The following OR6C4 variants were observed in gnomAD, a reference collection of about 807,000 sequenced individuals.
OR6C4 encodes olfactory receptor family 6 subfamily C member 4.
A neutral mutation model predicts 15.1 loss-of-function variants in OR6C4; 20 were observed. That is an observed-to-expected ratio of 1.32 (90% CI 0.93 to 1.92). The LOEUF is 1.92. Among genes scored for constraint, OR6C4 ranks in the 30% most tolerant of loss-of-function variants. The pLI is 0.00. For synonymous variants in OR6C4, 179 were observed against 134.2 expected, an observed-to-expected ratio of 1.33 and a Z score of -2.31; for missense variants, 491 against 363.2, an observed-to-expected ratio of 1.35 and a Z score of -2.86.
In OR6C4 at chr12:55,555,061, AC is replaced by A. The variant is rs1873980668; in HGVS notation, c.*2906del. ...AAAAGTAATGGCAAAAACTGCAATT[AC>A]TTTTGCACCAACCAAATAAAAATAC... On this transcript the variant is annotated 3_prime_UTR_variant, in exon 2 of 2. Coordinates refer to ENST00000641569, the MANE Select transcript of OR6C4 (RefSeq NM_001005494.2). The A allele has an allele frequency of 6.6e-6, 1 of 152,186 alleles. No individual in the cohort carries two copies. Among genetic ancestry groups the A allele is most frequent in the Non-Finnish European group, 1.5e-5 (1 of 68,046 alleles). 9.4% of individuals were successfully genotyped at this position (152,186 alleles called of 1,614,324 possible).
chr12:55,551,075 C>A (rs1044150079), intron 1 of OR6C4, 134 bp from the exon 2 acceptor site: 1 of 608,170 alleles, frequency 1.6e-6, no homozygotes, highest in Non-Finnish European at 2.8e-6. Context: ...GCCAAGTGCA[C>A]CCCAATGGGA....
chr12:55,550,534 C>T (rs549482476), intron 1 of OR6C4, among the ~76,000 whole-genome samples: 4 of 152,256 alleles, frequency 2.6e-5, no homozygotes, highest in African/African-American at 9.6e-5. Context: ...TTCTCCGAGA[C>T]ATATCTCAAA....
rs999558882 is a variant in OR6C4 at position 55,553,241 on chromosome 12, T to C, written c.*1085T>C. On this transcript the variant is annotated 3_prime_UTR_variant, in exon 2 of 2. Coordinates refer to ENST00000641569, the MANE Select transcript of OR6C4 (RefSeq NM_001005494.2). ...AACTTTACACATGGATTCAAGGCAA[T>C]GACAACTTGAATTTGAATAGGTAGT... 1 of 152,110 alleles carries C rather than the reference T, an allele frequency of 6.6e-6. No homozygotes were observed. The highest frequency in any genetic ancestry group is 2.4e-5 in the African/African-American group (1 of 41,472). The allele number at this position is 152,110 out of a possible 1,614,324, so 9.4% of individuals were successfully genotyped here.
chr12:55,552,043 G>A lies in OR6C4; in HGVS notation c.817G>A (p.Ala273Thr). ...KEGGAFNKGI[A>T]VLITSVTPLL... Reference sequence around the variant, plus strand: ...AGGAGGTGCTTTCAACAAAGGAATAGCTGTACTCATTACTTCGGTTACTCC... The same window carrying A: ...AGGAGGTGCTTTCAACAAAGGAATAACTGTACTCATTACTTCGGTTACTCC... Residue 273 changes from alanine (A) to threonine (T), a missense_variant, in exon 2 of 2, where the codon GCT (alanine) becomes ACT (threonine). Physicochemically the swap from Ala to Thr is moderately conservative, Grantham distance 58. Coordinates refer to ENST00000641569, the MANE Select transcript of OR6C4 (RefSeq NM_001005494.2). 6.2e-7 allele frequency: 1 copy of A among 1,613,296 alleles called. No homozygotes were observed. The highest frequency in any genetic ancestry group is 8.5e-7 in the Non-Finnish European group (1 of 1,179,512).
Position 55,555,428 on chromosome 12 carries a change from T to A in OR6C4, c.*3272T>A, listed in dbSNP as rs1330372703. The A allele has an allele frequency of 6.6e-6, 1 of 152,192 alleles. No individual in the cohort carries two copies. Among genetic ancestry groups the A allele is most frequent in the Admixed American group, 6.6e-5 (1 of 15,258 alleles). The allele number at this position is 152,192 out of a possible 1,614,324, so 9.4% of individuals were successfully genotyped here. ...TTTTGGTTTTCCACTCCCGTATTAC[T>A]TCACTTAGAATAACGACTTCCAGCT... On this transcript the variant is annotated 3_prime_UTR_variant, in exon 2 of 2. Transcript: ENST00000641569.
rs1873911534 is a variant in OR6C4 at position 55,552,769 on chromosome 12, C to T, written c.*613C>T. 1 of 152,020 alleles carries T rather than the reference C, an allele frequency of 6.6e-6. No individual in the cohort carries two copies. The highest frequency in any genetic ancestry group is 2.4e-5 in the African/African-American group (1 of 41,420). The allele number at this position is 152,020 out of a possible 1,614,324, so 9.4% of individuals were successfully genotyped here. A position where few individuals can be genotyped will look rare whatever the true frequency, so the allele number is the denominator to read the frequency against. ...GAATATATATTTAGTCTACTTTTCTCCAAATGAGGAGAAAATTTTTAAGAT... is the reference window on the plus strand; with the variant it reads ...GAATATATATTTAGTCTACTTTTCTTCAAATGAGGAGAAAATTTTTAAGAT... On this transcript the variant is annotated 3_prime_UTR_variant, in exon 2 of 2. Coordinates refer to ENST00000641569, the MANE Select transcript of OR6C4 (RefSeq NM_001005494.2).
chr12:55,554,886 T>C lies in OR6C4; in HGVS notation c.*2730T>C, dbSNP rs539641773. The C allele has an allele frequency of 2.6e-5, 4 of 152,218 alleles. No homozygotes were observed. The highest frequency in any genetic ancestry group is 9.6e-5 in the African/African-American group (4 of 41,532). 9.4% of individuals were successfully genotyped at this position (152,218 alleles called of 1,614,324 possible). On this transcript the variant is annotated 3_prime_UTR_variant, in exon 2 of 2. Transcript: ENST00000641569. The stretch of plus-strand genomic sequence containing the variant: ...TTAATTTTTTTTATTTCAGCCAGGA[T>C]CAGTGACTCACACTTCTAATCCCAG...
Position 55,553,589 on chromosome 12 carries a change from G to C in OR6C4, c.*1433G>C, listed in dbSNP as rs1255119832. 1 of 152,132 alleles carries C rather than the reference G, an allele frequency of 6.6e-6. No homozygotes were observed. The highest frequency in any genetic ancestry group is 6.6e-5 in the Admixed American group (1 of 15,256). The allele number at this position is 152,132 out of a possible 1,614,324, so 9.4% of individuals were successfully genotyped here. Reference sequence around the variant, plus strand: ...CTATTCTGAGTATCTTGTTTTCTTTGGTTGCTAGCTAGAGATTAGTGATAA... The same window carrying C: ...CTATTCTGAGTATCTTGTTTTCTTTCGTTGCTAGCTAGAGATTAGTGATAA... On this transcript the variant is annotated 3_prime_UTR_variant, in exon 2 of 2. Coordinates refer to ENST00000641569, the MANE Select transcript of OR6C4 (RefSeq NM_001005494.2).
At position 55,553,484 on chromosome 12, in the gene OR6C4, T is replaced by G. The variant is rs1873932799; in HGVS notation, c.*1328T>G. 1 of 152,198 alleles carries G rather than the reference T, an allele frequency of 6.6e-6. No individual in the cohort carries two copies. Among genetic ancestry groups the G allele is most frequent in the African/African-American group, 2.4e-5 (1 of 41,460 alleles). The allele number at this position is 152,198 out of a possible 1,614,324, so 9.4% of individuals were successfully genotyped here. A position where few individuals can be genotyped will look rare whatever the true frequency, so the allele number is the denominator to read the frequency against. On this transcript the variant is annotated 3_prime_UTR_variant, in exon 2 of 2. Coordinates refer to ENST00000641569, the MANE Select transcript of OR6C4 (RefSeq NM_001005494.2). The stretch of plus-strand genomic sequence containing the variant: ...GGAACAAGCTGGATTGAACTGATTA[T>G]GAGAGCAAATTATCAGAGCCACAGA...
intron 1 of OR6C4, among the ~76,000 whole-genome samples, chr12:55,550,889 G>A (rs1017823916): frequency 2.0e-5 from 3 of 152,142 alleles, no homozygotes; most frequent in East Asian, 1.9e-4. Context: ...TCAAGAGTAA[G>A]TGCTTTACTT....
Position 55,551,509 on chromosome 12 carries a change from T to G in OR6C4, c.283T>G (p.Cys95Gly). The change falls in exon 2 of 2, where the codon TGC becomes GGC. Residue 95 changes from cysteine (C) to glycine (G), a missense_variant. Coordinates refer to ENST00000641569, the MANE Select transcript of OR6C4 (RefSeq NM_001005494.2). ...AAATAAAGTTATCAGCTTTGCTGGC[T>G]GCTTGACTCAGTATTTTTTTGCTAT... is the stretch of plus-strand genomic sequence containing the variant. ...TGNKVISFAG[C>G]LTQYFFAIFL... 1 of 1,614,002 alleles carries G rather than the reference T, an allele frequency of 6.2e-7. No homozygotes were observed. Among genetic ancestry groups the G allele is most frequent in the Non-Finnish European group, 8.5e-7 (1 of 1,179,948 alleles).
rs1873813899 is a variant in OR6C4 at position 55,550,006 on chromosome 12, T to A, written c.-131T>A. 1 of 152,182 alleles carries A rather than the reference T, an allele frequency of 6.6e-6. No individual in the cohort carries two copies. The highest frequency in any genetic ancestry group is 6.5e-5 in the Admixed American group (1 of 15,272). 9.4% of individuals were successfully genotyped at this position (152,182 alleles called of 1,614,324 possible). ...ATAGTCATTCAGGTTGTCAAAGGTA[T>A]GAGCAACATATGTTTTTAAAGTCAC... On this transcript the variant is annotated 5_prime_UTR_variant, in exon 1 of 2. It removes an upstream start codon present in the reference 5' UTR. Coordinates refer to ENST00000641569, the MANE Select transcript of OR6C4 (RefSeq NM_001005494.2).
rs1565720692 is a variant in OR6C4 at position 55,553,900 on chromosome 12, A to G, written c.*1744A>G. ...GTCTATCTTATAGTTTTGAGCATTC[A>G]CTGAGAAAATAGATGTAAAATATTA... On this transcript the variant is annotated 3_prime_UTR_variant, in exon 2 of 2. Transcript: ENST00000641569. 6.6e-6 allele frequency: 1 copy of G among 152,186 alleles called. No individual in the cohort carries two copies. The highest frequency in any genetic ancestry group is 6.5e-5 in the Admixed American group (1 of 15,272). 9.4% of individuals were successfully genotyped at this position (152,186 alleles called of 1,614,324 possible).
rs1004068041 is a variant in OR6C4, at chr12:55,555,808, G to A, written c.*3652G>A. Reference sequence around the variant, plus strand: ...AACATAAAATAAAATAATAAAAAATGTTGCTTCTTTTCATGGCTGAGTAGT... The same window carrying A: ...AACATAAAATAAAATAATAAAAAATATTGCTTCTTTTCATGGCTGAGTAGT... On this transcript the variant is annotated 3_prime_UTR_variant, in exon 2 of 2. Coordinates refer to ENST00000641569, the MANE Select transcript of OR6C4 (RefSeq NM_001005494.2). 5 of 151,960 alleles carry A rather than the reference G, an allele frequency of 3.3e-5. No homozygotes were observed. The highest frequency in any genetic ancestry group is 4.8e-5 in the African/African-American group (2 of 41,378). The allele number at this position is 151,960 out of a possible 1,614,324, so 9.4% of individuals were successfully genotyped here.
chr12:55,554,292 A>G lies in OR6C4; in HGVS notation c.*2136A>G, dbSNP rs1873958456. 6.6e-6 allele frequency: 1 copy of G among 152,190 alleles called. No homozygotes were observed. The highest frequency in any genetic ancestry group is 2.4e-5 in the African/African-American group (1 of 41,448). The allele number at this position is 152,190 out of a possible 1,614,324, so 9.4% of individuals were successfully genotyped here. A position where few individuals can be genotyped will look rare whatever the true frequency, so the allele number is the denominator to read the frequency against. ...ATGTATTAACATGCTGAGACAAGGAAGGAAGGTACTTTGTGTAAGTTAATG... is the reference window on the plus strand; with the variant it reads ...ATGTATTAACATGCTGAGACAAGGAGGGAAGGTACTTTGTGTAAGTTAATG... On this transcript the variant is annotated 3_prime_UTR_variant, in exon 2 of 2. Coordinates refer to ENST00000641569, the MANE Select transcript of OR6C4 (RefSeq NM_001005494.2).
Position 55,551,329 on chromosome 12 carries a change from C to A in OR6C4, c.103C>A (p.Leu35Ile). ...CATCTTTCTGTTCCTCACCTACATGCTAAGTATCCTAGGAAATCTGACTAT... is the reference window on the plus strand; with the variant it reads ...CATCTTTCTGTTCCTCACCTACATGATAAGTATCCTAGGAAATCTGACTAT... ...IFIFLFLTYM[L>I]SILGNLTIIT... Residue 35 changes from leucine to isoleucine, a missense_variant, in exon 2 of 2, where the codon CTA becomes ATA. Physicochemically the swap from Leu to Ile is conservative, Grantham distance 5. Coordinates refer to ENST00000641569, the MANE Select transcript of OR6C4 (RefSeq NM_001005494.2). 6.2e-7 allele frequency: 1 copy of A among 1,613,366 alleles called. No individual in the cohort carries two copies. Among genetic ancestry groups the A allele is most frequent in the Non-Finnish European group, 8.5e-7 (1 of 1,179,398 alleles).
In OR6C4 at chr12:55,553,944, TTG is replaced by T. The variant is rs2135869223; in HGVS notation, c.*1792_*1793del. On this transcript the variant is annotated 3_prime_UTR_variant, in exon 2 of 2. Coordinates refer to ENST00000641569, the MANE Select transcript of OR6C4 (RefSeq NM_001005494.2). The stretch of plus-strand genomic sequence containing the variant: ...AATATTAAAAGACAGCCAGTATTTA[TTG>T]TGTTTAATAAATGACATCTATTATA... 1 of 152,350 alleles carries T rather than the reference TTG, an allele frequency of 6.6e-6. No individual in the cohort carries two copies. Among genetic ancestry groups the T allele is most frequent in the Non-Finnish European group, 1.5e-5 (1 of 68,038 alleles). The allele number at this position is 152,350 out of a possible 1,614,324, so 9.4% of individuals were successfully genotyped here.
chr12:55,555,513 C>G lies in OR6C4; in HGVS notation c.*3357C>G, dbSNP rs1303356130. 1 of 152,284 alleles carries G rather than the reference C, an allele frequency of 6.6e-6. No homozygotes were observed. The highest frequency in any genetic ancestry group is 1.5e-5 in the Non-Finnish European group (1 of 68,106). The allele number at this position is 152,284 out of a possible 1,614,324, so 9.4% of individuals were successfully genotyped here. On this transcript the variant is annotated 3_prime_UTR_variant, in exon 2 of 2. Transcript: ENST00000641569. ...CCTTTCCAGGCCAGGTGCAGTGGCT[C>G]TTGCCTGTAATCCCAGAAATTTGGG...
At position 55,552,074 on chromosome 12, in the gene OR6C4, T is replaced by A; in HGVS notation, c.848T>A (p.Leu283Gln). 6 of 1,612,838 alleles carry A rather than the reference T, an allele frequency of 3.7e-6. No individual in the cohort carries two copies. The highest frequency in any genetic ancestry group is 5.1e-6 in the Non-Finnish European group (6 of 1,179,478). Reference sequence around the variant, plus strand: ...CTCATTACTTCGGTTACTCCCTTACTGAATCCCTTCATATATACTTTAAGA... The same window carrying A: ...CTCATTACTTCGGTTACTCCCTTACAGAATCCCTTCATATATACTTTAAGA... ...AVLITSVTPL[L>Q]NPFIYTLRNQ... Residue 283 changes from leucine (L) to glutamine (Q), a missense_variant, in exon 2 of 2, where the codon CTG becomes CAG. Leu to Gln is a moderately radical substitution (Grantham distance 113). Coordinates refer to ENST00000641569, the MANE Select transcript of OR6C4 (RefSeq NM_001005494.2).
Sources: allele counts gnomAD v4.1 joint callset (sites outside exome capture counted in the v4.1 genomes callset), GRCh38; gene constraint gnomAD v4.1.1; transcripts MANE v1.5; gene names NCBI Gene and HGNC (gene_info 2026-07-23, HGNC 2026-07-21).